The following LIN9 variants were observed in gnomAD, a reference collection of about 807,000 sequenced individuals.
The protein encoded by LIN9 is protein lin-9 homolog.
Under a neutral mutation model 78.0 loss-of-function variants are expected in LIN9, and 18 were observed. That is an observed-to-expected ratio of 0.23 (90% CI 0.16 to 0.34). The LOEUF is 0.34. Ranked by LOEUF, LIN9 falls within the 10% of genes least tolerant of loss-of-function variation. The pLI, the probability that LIN9 is intolerant of heterozygous loss-of-function variation, is 1.00. For synonymous variants in LIN9, 192 were observed against 215.2 expected (o/e 0.89, Z 0.94); for missense variants, 451 against 644.1 (o/e 0.70, Z 3.25).
intron 4 of LIN9, among the ~76,000 whole-genome samples, chr1:226,293,821 C>T (rs967722580): frequency 1.3e-5 from 2 of 152,128 alleles, no homozygotes; most frequent in Non-Finnish European, 1.5e-5. Context: ...TCCCAAAGTG[C>T]TGGGATTACA....
intron 10 of LIN9, among the ~76,000 whole-genome samples, chr1:226,259,256 G>A (rs1304812019): frequency 6.6e-6 from 1 of 151,922 alleles, no homozygotes; most frequent in Admixed American, 6.6e-5. Flanking sequence ...CACCACACCC[G>A]GCCAACAATA....
intron 6 of LIN9, 87 bp from the exon 7 acceptor site, chr1:226,278,019 G>A: frequency 9.3e-7 from 1 of 1,073,146 alleles, no homozygotes; most frequent in Non-Finnish European, 1.3e-6. Context: ...TTGAGATAGA[G>A]TCTGGCTCTG....
At chr1:226,279,055 G>A (rs543991746) in intron 6 of LIN9, among the ~76,000 whole-genome samples, 1 of 152,216 alleles carries the variant, frequency 6.6e-6, no homozygotes, top group African/African-American at 2.4e-5. Context: ...CTGGTACTTG[G>A]GAGGCTGAGG....
intron 6 of LIN9, among the ~76,000 whole-genome samples, chr1:226,282,739 T>C (rs1661146472): frequency 1.3e-5 from 2 of 152,172 alleles, no homozygotes; most frequent in South Asian, 4.1e-4. Flanking sequence ...GAGAATCACT[T>C]GAACCTGGGA....
chr1:226,281,398 G>A (rs992450275), intron 6 of LIN9, among the ~76,000 whole-genome samples: 3 of 147,474 alleles, frequency 2.0e-5, no homozygotes, highest in East Asian at 2.0e-4. Context: ...TTGACAGTAC[G>A]GTAGGAAAAT....
chr1:226,269,814 G>C (rs1034512851), intron 7 of LIN9, among the ~76,000 whole-genome samples: 48 of 152,154 alleles, frequency 3.2e-4, no homozygotes, highest in African/African-American at 1.1e-3. Context: ...TTGAAAACTA[G>C]CAGCAACTTT....
intron 11 of LIN9, 116 bp downstream of exon 11, chr1:226,250,723 A>G (rs1302742650): frequency 1.6e-6 from 1 of 614,544 alleles, no homozygotes; most frequent in Non-Finnish European, 2.8e-6. Context: ...AGGATTTAAA[A>G]ATAATATTTA....
At chr1:226,276,832 T>C (rs1279530502) in intron 7 of LIN9, among the ~76,000 whole-genome samples, 2 of 152,148 alleles carry the variant, frequency 1.3e-5, no homozygotes, top group South Asian at 4.1e-4. Context: ...TTTCTCTCCA[T>C]GAGTACACAG....
At chr1:226,259,829 A>AAATT (rs1659449767) in intron 10 of LIN9, among the ~76,000 whole-genome samples, 1 of 152,112 alleles carries the variant, frequency 6.6e-6, no homozygotes, top group African/African-American at 2.4e-5. Context: ...AAGAAGACTT[A>AAATT]AAATCAGTAA....
chr1:226,245,592 CA>C (rs200060989), intron 11 of LIN9, among the ~76,000 whole-genome samples: 1 of 151,778 alleles, frequency 6.6e-6, no homozygotes, highest in Non-Finnish European at 1.5e-5. Context: ...TTCTAAAAAA[CA>C]AAAATTTTTT....
At chr1:226,263,890 A>ACCTAG (rs1181058914) in intron 10 of LIN9, among the ~76,000 whole-genome samples, 1 of 152,118 alleles carries the variant, frequency 6.6e-6, no homozygotes, top group African/African-American at 2.4e-5. Flanking sequence ...TAGGTAACAT[A>ACCTAG]GTGAGACTCC....
At chr1:226,289,846 T>TTG in intron 4 of LIN9, among the ~76,000 whole-genome samples, 2 of 16,312 alleles carry the variant, frequency 1.2e-4, no homozygotes, top group South Asian at 5.9e-3. Flanking sequence ...GGGGGGGGGG[T>TTG]GGGGGGGGGT....
chr1:226,264,149 G>A lies in LIN9; in HGVS notation c.1038+1384C>T, dbSNP rs551800619. Reference sequence around the variant, plus strand: ...TGCAATTCCAGCACTTTGGGAGGCCGAGGGCGATCATGTGAGGTCAGGAGT... The same window carrying A: ...TGCAATTCCAGCACTTTGGGAGGCCAAGGGCGATCATGTGAGGTCAGGAGT... On this transcript the variant is annotated intron_variant, in intron 10 of 14. Coordinates refer to ENST00000681046, the MANE Select transcript of LIN9 (RefSeq NM_001366245.2). 5.9e-5 allele frequency among the ~76,000 whole-genome samples: 9 copies of A among 151,828 alleles called. No homozygotes were observed. The South Asian group carries it at 1.7e-3, about 28-fold the overall frequency.
intron 7 of LIN9, among the ~76,000 whole-genome samples, 160 bp downstream of exon 7, chr1:226,277,613 CAG>C (rs372949173): frequency 2.3e-4 from 35 of 152,224 alleles, no homozygotes; most frequent in African/African-American, 8.2e-4. Context: ...CAACCAGGCT[CAG>C]AGAGAGTTGA....
chr1:226,248,036 G>C (rs908167281), intron 11 of LIN9, among the ~76,000 whole-genome samples: 2 of 152,098 alleles, frequency 1.3e-5, no homozygotes, highest in Admixed American at 6.6e-5. Flanking sequence ...TTTTATTCCA[G>C]AGGAAACAGT....
rs761164865 is a variant in LIN9 at position 226,277,757 on chromosome 1, T to C, written c.682+18A>G. 4.4e-6 allele frequency: 7 copies of C among 1,602,960 alleles called. No individual in the cohort carries two copies. Among genetic ancestry groups the C allele is most frequent in the Non-Finnish European group, 6.0e-6 (7 of 1,174,190 alleles). On this transcript the variant is annotated intron_variant, in intron 7 of 14. Coordinates refer to ENST00000681046, the MANE Select transcript of LIN9 (RefSeq NM_001366245.2). ...AAAAATTACAAGTCAAAAGAGTAAT[T>C]AGCTTGTTTTCACTTACCTGTAACT...
At chr1:226,248,457 A>G (rs1658623864) in intron 11 of LIN9, among the ~76,000 whole-genome samples, 1 of 152,220 alleles carries the variant, frequency 6.6e-6, no homozygotes, top group Admixed American at 6.5e-5. Context: ...AAGGATATGA[A>G]AAAAATTTGT....
chr1:226,295,540 G>C (rs1558204045), intron 4 of LIN9, among the ~76,000 whole-genome samples: 1 of 151,858 alleles, frequency 6.6e-6, no homozygotes, highest in Admixed American at 6.6e-5. Flanking sequence ...TGGTGATCAA[G>C]TAAAACATTT....
chr1:226,248,156 T>G (rs1459268055), intron 11 of LIN9, among the ~76,000 whole-genome samples: 6 of 152,236 alleles, frequency 3.9e-5, no homozygotes, highest in Non-Finnish European at 8.8e-5. Flanking sequence ...GAGAAGTGCT[T>G]CTTTCTCTCC....
Sources: allele counts gnomAD v4.1 joint callset (sites outside exome capture counted in the v4.1 genomes callset), GRCh38; gene constraint gnomAD v4.1.1; transcripts MANE v1.5; gene names NCBI Gene and HGNC (gene_info 2026-07-23, HGNC 2026-07-21).